The following HEATR5B variants were observed in gnomAD, a reference collection of about 807,000 sequenced individuals.
The protein encoded by HEATR5B is HEAT repeat containing 5B.
In HEATR5B, 156 loss-of-function variants were observed where a neutral mutation model predicts 224.1. The observed-to-expected ratio is 0.70, with a 90% CI of 0.61 to 0.80. The LOEUF is 0.80. Among genes scored for constraint, HEATR5B ranks in the 30% least tolerant of loss-of-function variants. HEATR5B has a pLI of 0.00. For synonymous variants in HEATR5B, 1,027 were observed against 893.0 expected (o/e 1.15, Z -2.68); for missense variants, 2,323 against 2,535.5 (o/e 0.92, Z 1.80).
chr2:37,052,522 T>C (rs1670625723), intron 17 of HEATR5B, among the ~76,000 whole-genome samples: 1 of 152,246 alleles, frequency 6.6e-6, no homozygotes, highest in South Asian at 2.1e-4. Context: ...GAAGATTTGT[T>C]CTTCCTGTAG....
At position 37,020,844 on chromosome 2, in the gene HEATR5B, T is replaced by A. The variant is rs1406047156; in HGVS notation, c.3854-8A>T. Reference sequence around the variant, plus strand: ...GAAGTACCAAGAGGTCATCTAAAAATAAAAATAGAATGCAAAAATGAAAAC... The same window carrying A: ...GAAGTACCAAGAGGTCATCTAAAAAAAAAAATAGAATGCAAAAATGAAAAC... On this transcript the variant is annotated splice_polypyrimidine_tract_variant and splice_region_variant and intron_variant, in intron 24 of 35. Transcript: ENST00000233099. 6.8e-7 allele frequency: 1 copy of A among 1,460,896 alleles called. No homozygotes were observed. The highest frequency in any genetic ancestry group is 9.1e-7 in the Non-Finnish European group (1 of 1,099,504). The allele number at this position is 1,460,896 out of a possible 1,614,324, so 90.5% of individuals were successfully genotyped here.
intron 27 of HEATR5B, among the ~76,000 whole-genome samples, chr2:37,013,162 G>T (rs984123308): frequency 2.6e-5 from 4 of 152,152 alleles, no homozygotes. Context: ...TCCCTTAAAC[G>T]TGGTTTCACT....
intron 1 of HEATR5B, among the ~76,000 whole-genome samples, 161 bp downstream of exon 1, chr2:37,084,088 GCCGCAAGCCTCCGTGGGGTT>G (rs1558392756): frequency 6.6e-6 from 1 of 152,170 alleles, no homozygotes; most frequent in African/African-American, 2.4e-5. Context: ...CCAAGAGGCC[GCCGCAAGCCTCCGTGGGGTT>G]CCGCAGGCTG....
chr2:37,032,934 G>A (rs985051883), intron 21 of HEATR5B, among the ~76,000 whole-genome samples, 161 bp from the exon 22 acceptor site: 3 of 150,828 alleles, frequency 2.0e-5, no homozygotes, highest in African/African-American at 4.9e-5. Flanking sequence ...AGGCTGGAGC[G>A]CAGTGGCGTG....
chr2:37,083,206 A>C lies in HEATR5B; in HGVS notation c.126+83T>G, dbSNP rs866218793. 7.9e-6 allele frequency: 12 copies of C among 1,523,586 alleles called. No homozygotes were observed. In the Middle Eastern group the frequency reaches 1.0e-3, roughly 129 times the overall value. The allele number at this position is 1,523,586 out of a possible 1,614,324, so 94.4% of individuals were successfully genotyped here. On this transcript the variant is annotated intron_variant, in intron 2 of 35. Coordinates refer to ENST00000233099, the MANE Select transcript of HEATR5B (RefSeq NM_019024.3). ...CATAAGTGACCCATAAACCTTCCAA[A>C]ACATAACATGTGTTTTCTTAAGAAT...
chr2:37,048,876 C>T (rs1337998780), intron 18 of HEATR5B, among the ~76,000 whole-genome samples: 1 of 152,150 alleles, frequency 6.6e-6, no homozygotes, highest in African/African-American at 2.4e-5. Context: ...TCAGAAAATA[C>T]ATTTTCTTCA....
intron 21 of HEATR5B, among the ~76,000 whole-genome samples, chr2:37,037,249 G>A (rs767104406): frequency 2.7e-5 from 4 of 149,596 alleles, no homozygotes; most frequent in Admixed American, 1.3e-4. Flanking sequence ...GGGTTCAAGC[G>A]ATTCTCCTGC....
At chr2:37,080,925 TAAC>T (rs955968190) in intron 2 of HEATR5B, among the ~76,000 whole-genome samples, 1 of 152,336 alleles carries the variant, frequency 6.6e-6, no homozygotes, top group African/African-American at 2.4e-5. Context: ...AAAGCAATGA[TAAC>T]AATCTTATTG....
intron 26 of HEATR5B, among the ~76,000 whole-genome samples, chr2:37,018,338 C>T (rs747322448): frequency 5.3e-5 from 8 of 152,292 alleles, no homozygotes; most frequent in African/African-American, 1.9e-4. Flanking sequence ...ATGCTGTGCT[C>T]TGAAACGTCA....
At chr2:37,040,848 T>A (rs1669827979) in intron 19 of HEATR5B, among the ~76,000 whole-genome samples, 1 of 151,014 alleles carries the variant, frequency 6.6e-6, no homozygotes. Context: ...TTGATCAAGC[T>A]AACAAATCTA....
intron 16 of HEATR5B, among the ~76,000 whole-genome samples, chr2:37,053,992 C>G (rs1210281498): frequency 1.3e-5 from 2 of 151,764 alleles, no homozygotes; most frequent in Non-Finnish European, 2.9e-5. Flanking sequence ...TAGTATAATT[C>G]TTTTTCCTAT....
At chr2:37,022,418 T>C (rs1164691899) in intron 24 of HEATR5B, among the ~76,000 whole-genome samples, 3 of 152,076 alleles carry the variant, frequency 2.0e-5, no homozygotes, top group African/African-American at 7.2e-5. Flanking sequence ...ACCTTGTGAT[T>C]CGCCCACCTC....
chr2:37,023,744 C>T (rs1271718324), intron 24 of HEATR5B, among the ~76,000 whole-genome samples: 1 of 152,058 alleles, frequency 6.6e-6, no homozygotes, highest in Non-Finnish European at 1.5e-5. Flanking sequence ...CAGCACCGCA[C>T]TTACCTTGGG....
chr2:37,080,499 A>G (rs906013035), intron 2 of HEATR5B, among the ~76,000 whole-genome samples: 2 of 152,206 alleles, frequency 1.3e-5, no homozygotes, highest in African/African-American at 4.8e-5. Flanking sequence ...TGGTGAATAC[A>G]ACATGAAATT....
intron 28 of HEATR5B, chr2:37,008,384 G>C (rs577305345): frequency 1.8e-6 from 1 of 569,986 alleles, no homozygotes. Flanking sequence ...AGCTATTATT[G>C]TAACAGTGCT....
intron 8 of HEATR5B, 128 bp from the exon 9 acceptor site, chr2:37,066,038 C>T: frequency 1.4e-6 from 1 of 726,366 alleles, no homozygotes; most frequent in Non-Finnish European, 2.1e-6. Flanking sequence ...GCAGTTATTT[C>T]TCAATAGAAA....
intron 7 of HEATR5B, among the ~76,000 whole-genome samples, chr2:37,069,463 T>C (rs1045890387): frequency 6.6e-6 from 1 of 152,240 alleles, no homozygotes; most frequent in Non-Finnish European, 1.5e-5. Flanking sequence ...TTCCGTGTTA[T>C]TTTGAAATTA....
intron 6 of HEATR5B, among the ~76,000 whole-genome samples, chr2:37,071,847 G>A (rs1161245487): frequency 1.3e-5 from 2 of 151,946 alleles, no homozygotes; most frequent in Admixed American, 6.6e-5. Context: ...ACCATGCCTG[G>A]CTAATTTTTG....
chr2:37,012,299 A>G (rs923040735), intron 27 of HEATR5B, among the ~76,000 whole-genome samples: 1 of 152,218 alleles, frequency 6.6e-6, no homozygotes, highest in Non-Finnish European at 1.5e-5. Flanking sequence ...TTTTTTGTGA[A>G]TAATAACACC....
Sources: allele counts gnomAD v4.1 joint callset (sites outside exome capture counted in the v4.1 genomes callset), GRCh38; gene constraint gnomAD v4.1.1; transcripts MANE v1.5; gene names NCBI Gene and HGNC (gene_info 2026-07-23, HGNC 2026-07-21).